The following TAF1B variants were observed in gnomAD, a reference collection of about 807,000 sequenced individuals.
TAF1B encodes TATA box-binding protein-associated factor RNA polymerase I subunit B.
In TAF1B, 61 loss-of-function variants were observed where a neutral mutation model predicts 83.9. That is an observed-to-expected ratio of 0.73 (90% CI 0.59 to 0.90). TAF1B has a LOEUF of 0.90. TAF1B is among the 40% of genes least tolerant of loss of function. TAF1B has a pLI of 0.00. For missense variants in TAF1B, 625 were observed against 677.0 expected, an observed-to-expected ratio of 0.92 and a Z score of 0.85; for synonymous variants, 221 against 224.6, an observed-to-expected ratio of 0.98 and a Z score of 0.14.
chr2:9,854,506 A>G, intron 5 of TAF1B, 85 bp downstream of exon 5: 1 of 920,604 alleles, frequency 1.1e-6, no homozygotes, highest in Non-Finnish European at 1.7e-6. Context: ...CAGTTTGAGT[A>G]TCTGAGATTA....
intron 8 of TAF1B, among the ~76,000 whole-genome samples, chr2:9,885,923 T>G (rs1664662091): frequency 6.6e-6 from 1 of 152,202 alleles, no homozygotes; most frequent in Admixed American, 6.5e-5. Context: ...GGAACAGACA[T>G]CAGAATATTT....
At chr2:9,867,669 G>A (rs1664031268) in intron 5 of TAF1B, among the ~76,000 whole-genome samples, 1 of 148,958 alleles carries the variant, frequency 6.7e-6, no homozygotes, top group Non-Finnish European at 1.5e-5. Context: ...TAGCCAGCCA[G>A]CTGACCTTTT....
chr2:9,876,685 A>G (rs1290693360), intron 7 of TAF1B, among the ~76,000 whole-genome samples: 1 of 152,206 alleles, frequency 6.6e-6, no homozygotes, highest in Non-Finnish European at 1.5e-5. Flanking sequence ...TTTTAACAGC[A>G]CAAATTAGGA....
chr2:9,867,003 G>A (rs997193092), intron 5 of TAF1B, among the ~76,000 whole-genome samples: 3 of 152,108 alleles, frequency 2.0e-5, no homozygotes, highest in African/African-American at 4.8e-5. Context: ...GAGTTAATGG[G>A]TGCAGCACAC....
rs149059856 is a variant in TAF1B at position 9,893,753 on chromosome 2, T to G, written c.807+10948T>G. On this transcript the variant is annotated intron_variant, in intron 8 of 14. Coordinates refer to ENST00000263663, the MANE Select transcript of TAF1B (RefSeq NM_005680.3). ...AAAACTACATACTATGGTATAATAC[T>G]GTCTTTTTAAAAGGCAAGTTAACAA... is the stretch of plus-strand genomic sequence containing the variant. Among the ~76,000 whole-genome samples the G allele has an allele frequency of 2.9e-4, 44 of 152,276 alleles. No individual in the cohort carries two copies. The East Asian group carries it at 8.3e-3, about 29-fold the overall frequency.
At chr2:9,864,660 C>A (rs1275966810) in intron 5 of TAF1B, among the ~76,000 whole-genome samples, 1 of 152,170 alleles carries the variant, frequency 6.6e-6, no homozygotes, top group Non-Finnish European at 1.5e-5. Context: ...AGATCAATAT[C>A]CTTGATGAAC....
At chr2:9,909,731 TTAGTCTTC>T (rs1266188493) in intron 9 of TAF1B, among the ~76,000 whole-genome samples, 4 of 152,204 alleles carry the variant, frequency 2.6e-5, no homozygotes, top group Non-Finnish European at 5.9e-5. Flanking sequence ...ATTCATTAAT[TTAGTCTTC>T]ACAACAGCTA....
chr2:9,899,180 C>T (rs1665108153), intron 8 of TAF1B, among the ~76,000 whole-genome samples: 1 of 152,116 alleles, frequency 6.6e-6, no homozygotes, highest in Non-Finnish European at 1.5e-5. Context: ...CTTGTTCCAG[C>T]CTCTGGTAAA....
intron 8 of TAF1B, among the ~76,000 whole-genome samples, chr2:9,895,813 C>CCT (rs71391107): frequency 8.9e-6 from 1 of 112,480 alleles, no homozygotes; most frequent in African/African-American, 3.4e-5. Flanking sequence ...GCACTGCACT[C>CCT]TTTTTTTTTT....
chr2:9,870,160 TA>T (rs1208078411), intron 6 of TAF1B, among the ~76,000 whole-genome samples: 19 of 152,110 alleles, frequency 1.2e-4, no homozygotes, highest in Non-Finnish European at 2.2e-4. Flanking sequence ...AGTCTTGTTA[TA>T]AAAAAATCGT....
intron 14 of TAF1B, among the ~76,000 whole-genome samples, chr2:9,928,491 C>T (rs1032932331): frequency 1.3e-5 from 2 of 152,172 alleles, no homozygotes; most frequent in Non-Finnish European, 2.9e-5. Context: ...CTATCCATGA[C>T]CATGGAATGT....
chr2:9,849,808 G>A (rs1663328413), intron 3 of TAF1B, among the ~76,000 whole-genome samples: 2 of 152,104 alleles, frequency 1.3e-5, no homozygotes, highest in Non-Finnish European at 2.9e-5. Context: ...CTCAACATGA[G>A]TGTGCTTTGA....
intron 14 of TAF1B, among the ~76,000 whole-genome samples, chr2:9,931,393 T>C (rs1405151112): frequency 1.3e-5 from 2 of 152,176 alleles, no homozygotes; most frequent in African/African-American, 4.8e-5. Context: ...CATTTGCTTG[T>C]CTGTAAAGGA....
intron 14 of TAF1B, 81 bp from the exon 15 acceptor site, chr2:9,933,702 T>A (rs908880142): frequency 8.7e-7 from 1 of 1,149,990 alleles, no homozygotes; most frequent in Non-Finnish European, 1.2e-6. Context: ...GCTAAGTTAT[T>A]TGGGGGGATG....
chr2:9,915,741 T>TA (rs1665664478), intron 12 of TAF1B, among the ~76,000 whole-genome samples: 1 of 152,238 alleles, frequency 6.6e-6, no homozygotes, highest in Non-Finnish European at 1.5e-5. Context: ...CACTCCTAGA[T>TA]ATTTACCCTA....
chr2:9,885,803 A>T (rs1047401045), intron 8 of TAF1B, among the ~76,000 whole-genome samples: 2 of 148,706 alleles, frequency 1.3e-5, no homozygotes, highest in Non-Finnish European at 3.0e-5. Context: ...GCTATTCACT[A>T]CTCAAGTTAT....
intron 14 of TAF1B, among the ~76,000 whole-genome samples, chr2:9,926,041 ATAAAGAACCCCCCGTCTCTG>A (rs1666023625): frequency 6.6e-6 from 1 of 152,200 alleles, no homozygotes; most frequent in African/African-American, 2.4e-5. Flanking sequence ...GTAGAGTAGT[ATAAAGAACCCCCCGTCTCTG>A]TCACTCAATC....
intron 8 of TAF1B, among the ~76,000 whole-genome samples, chr2:9,902,655 T>G (rs1665216297): frequency 6.6e-6 from 1 of 152,244 alleles, no homozygotes. Flanking sequence ...TTATGGACAT[T>G]TGAGTAATTT....
At chr2:9,905,303 A>G (rs1665307445) in intron 9 of TAF1B, among the ~76,000 whole-genome samples, 1 of 152,188 alleles carries the variant, frequency 6.6e-6, no homozygotes, top group African/African-American at 2.4e-5. Flanking sequence ...TAAAGTACCA[A>G]ATGTTTCAGT....
Sources: gnomAD v4.1 joint callset for allele counts (sites outside exome capture counted in the v4.1 genomes callset) on GRCh38, gnomAD v4.1.1 for gene constraint, MANE v1.5 for transcripts, NCBI Gene and HGNC (gene_info 2026-07-23, HGNC 2026-07-21) for gene names.